Variants in EXOC6B observed in about 807,000 individuals in gnomAD.
EXOC6B encodes the protein SEC15 homolog B.
A neutral mutation model predicts 113.5 loss-of-function variants in EXOC6B; 54 were observed. The observed-to-expected ratio is 0.48, with a 90% CI of 0.38 to 0.60. EXOC6B has a LOEUF of 0.60. Among genes scored for constraint, EXOC6B ranks in the 20% least tolerant of loss-of-function variants. EXOC6B has a pLI of 0.00. For synonymous variants in EXOC6B, 357 were observed against 339.0 expected, an observed-to-expected ratio of 1.05 and a Z score of -0.58; for missense variants, 797 against 977.5, an observed-to-expected ratio of 0.82 and a Z score of 2.46.
chr2:72,305,353 TGTATATGTATA>T (rs1686780193), intron 20 of EXOC6B, among the ~76,000 whole-genome samples: 4 of 151,700 alleles, frequency 2.6e-5, no homozygotes, highest in African/African-American at 9.7e-5. Context: ...TATATGTATA[TGTATATGTATA>T]TGTATATGTG....
chr2:72,638,520 G>A (rs1673001435), intron 6 of EXOC6B, among the ~76,000 whole-genome samples: 2 of 152,148 alleles, frequency 1.3e-5, no homozygotes, highest in South Asian at 4.2e-4. Flanking sequence ...AGGCTGGAGG[G>A]ACAGAAAGCT....
chr2:72,797,766 G>A (rs916489396), intron 1 of EXOC6B, among the ~76,000 whole-genome samples: 3 of 152,074 alleles, frequency 2.0e-5, no homozygotes, highest in Non-Finnish European at 2.9e-5. Flanking sequence ...AGCTGAGACC[G>A]TGCCACTGCA....
chr2:72,222,039 G>T (rs972791822), intron 20 of EXOC6B, among the ~76,000 whole-genome samples: 1 of 152,190 alleles, frequency 6.6e-6, no homozygotes, highest in African/African-American at 2.4e-5. Flanking sequence ...AGATCCAGAA[G>T]TATTGAGAAA....
chr2:72,532,682 CCTGTAA>C, intron 8 of EXOC6B, among the ~76,000 whole-genome samples: 1 of 152,146 alleles, frequency 6.6e-6, no homozygotes, highest in South Asian at 2.1e-4. Flanking sequence ...GTGGCGCGCG[CCTGTAA>C]TCACAGCTAC....
chr2:72,641,516 A>G (rs987186228), intron 6 of EXOC6B, among the ~76,000 whole-genome samples: 4 of 152,380 alleles, frequency 2.6e-5, no homozygotes, highest in African/African-American at 9.6e-5. Context: ...CGGGAGGGGT[A>G]TCCACCATTG....
intron 6 of EXOC6B, among the ~76,000 whole-genome samples, chr2:72,584,023 C>T (rs920976291): frequency 2.0e-5 from 3 of 151,804 alleles, no homozygotes; most frequent in Non-Finnish European, 4.4e-5. Context: ...GCACCCGGCC[C>T]CTTAAGGGAG....
intron 6 of EXOC6B, among the ~76,000 whole-genome samples, chr2:72,667,001 C>G (rs562127419): frequency 1.9e-4 from 29 of 151,962 alleles, no homozygotes; most frequent in African/African-American, 6.5e-4. Flanking sequence ...TAGCTGGGAC[C>G]ACAGGTGCAT....
chr2:72,221,764 C>T (rs527322811), intron 20 of EXOC6B, among the ~76,000 whole-genome samples: 1 of 152,192 alleles, frequency 6.6e-6, no homozygotes, highest in African/African-American at 2.4e-5. Flanking sequence ...TTTTAAATTA[C>T]CCAGGGGTAG....
intron 20 of EXOC6B, among the ~76,000 whole-genome samples, chr2:72,268,171 C>T (rs1684253390): frequency 1.3e-5 from 2 of 152,106 alleles, no homozygotes; most frequent in Non-Finnish European, 2.9e-5. Flanking sequence ...CGTGCAGTGG[C>T]ATGATCTTGG....
At chr2:72,735,309 T>C (rs1680877358) in intron 2 of EXOC6B, among the ~76,000 whole-genome samples, 1 of 152,162 alleles carries the variant, frequency 6.6e-6, no homozygotes, top group Non-Finnish European at 1.5e-5. Context: ...TGCAACTCAG[T>C]ACACAAGTAT....
At chr2:72,344,568 T>C (rs1689214611) in intron 19 of EXOC6B, among the ~76,000 whole-genome samples, 1 of 152,182 alleles carries the variant, frequency 6.6e-6, no homozygotes, top group South Asian at 2.1e-4. Flanking sequence ...AAAAAAATTC[T>C]TCCCCTTCTC....
rs148531766 is a variant in EXOC6B, at chr2:72,730,946, C to T, written c.464+61G>A. ...AAGTTATGCTAAATATGGACCTAAA[C>T]GTATTCTAAACAACAGAAATTTTAG... On this transcript the variant is annotated intron_variant, in intron 5 of 21. Coordinates refer to ENST00000272427, the MANE Select transcript of EXOC6B (RefSeq NM_015189.3). The T allele has an allele frequency of 2.2e-3, 2,667 of 1,199,092 alleles. 9 individuals carry two copies. Among genetic ancestry groups the T allele is most frequent in the Middle Eastern group, 0.022 (79 of 3,628 alleles). The allele number at this position is 1,199,092 out of a possible 1,614,324, so 74.3% of individuals were successfully genotyped here. A position where few individuals can be genotyped will look rare whatever the true frequency, so the allele number is the denominator to read the frequency against.
chr2:72,675,423 T>C (rs961652101), intron 6 of EXOC6B, among the ~76,000 whole-genome samples: 1 of 152,244 alleles, frequency 6.6e-6, no homozygotes, highest in African/African-American at 2.4e-5. Flanking sequence ...TCTTGTGGAA[T>C]CTTTACAGCT....
intron 6 of EXOC6B, among the ~76,000 whole-genome samples, chr2:72,615,579 T>A (rs1242484132): frequency 6.9e-6 from 1 of 145,592 alleles, no homozygotes; most frequent in Non-Finnish European, 1.5e-5. Flanking sequence ...TTTGCGGTAA[T>A]GCTGATATTA....
chr2:72,334,443 A>T (rs1267011903), intron 20 of EXOC6B, among the ~76,000 whole-genome samples: 5 of 152,166 alleles, frequency 3.3e-5, no homozygotes, highest in Non-Finnish European at 7.4e-5. Flanking sequence ...ATGGCTGACA[A>T]CATTCTACAA....
Position 72,403,300 on chromosome 2 carries a change from C to T in EXOC6B, c.1981-23430G>A, listed in dbSNP as rs1693474365. ...AAACACTGCTCATCACTTTTCTGGT[C>T]TGAGTTTTAAGTTCCACAAAACAAA... On this transcript the variant is annotated intron_variant, in intron 18 of 21. Transcript: ENST00000272427. Among the ~76,000 whole-genome samples the T allele has an allele frequency of 1.3e-5, 2 of 152,166 alleles. 1 individual carries two copies. The highest frequency in any genetic ancestry group is 4.1e-4 in the South Asian group (2 of 4,830).
At chr2:72,394,270 TTTG>T (rs1222709589) in intron 18 of EXOC6B, among the ~76,000 whole-genome samples, 7 of 152,248 alleles carry the variant, frequency 4.6e-5, no homozygotes, top group East Asian at 1.9e-4. Flanking sequence ...GTCATATGAT[TTTG>T]TTTTTTTATT....
chr2:72,486,155 A>C (rs1699410946), intron 16 of EXOC6B, among the ~76,000 whole-genome samples: 1 of 152,168 alleles, frequency 6.6e-6, no homozygotes, highest in Non-Finnish European at 1.5e-5. Context: ...GGATCACCTG[A>C]GGTCAGGAGT....
At chr2:72,297,594 T>C (rs901608038) in intron 20 of EXOC6B, among the ~76,000 whole-genome samples, 1 of 152,230 alleles carries the variant, frequency 6.6e-6, no homozygotes, top group African/African-American at 2.4e-5. Flanking sequence ...TTAATTGTGA[T>C]GTTAGGGTGT....
Sources: allele counts gnomAD v4.1 joint callset (sites outside exome capture counted in the v4.1 genomes callset), GRCh38; gene constraint gnomAD v4.1.1; transcripts MANE v1.5; gene names NCBI Gene and HGNC (gene_info 2026-07-23, HGNC 2026-07-21).